Variants in ARHGAP26 observed in about 807,000 individuals in gnomAD.
The protein encoded by ARHGAP26 is rho GTPase-activating protein 26.
A neutral mutation model predicts 104.8 loss-of-function variants in ARHGAP26; 38 were observed. The observed-to-expected ratio is 0.36, with a 90% CI of 0.28 to 0.48. The LOEUF (loss-of-function observed/expected upper bound fraction) is 0.48. Ranked by LOEUF, ARHGAP26 falls within the 20% of genes least tolerant of loss-of-function variation. ARHGAP26 has a pLI of 0.99. For synonymous variants in ARHGAP26, 341 were observed against 340.0 expected, an observed-to-expected ratio of 1.00 and a Z score of -0.03; for missense variants, 704 against 947.9, an observed-to-expected ratio of 0.74 and a Z score of 3.38.
intron 19 of ARHGAP26, among the ~76,000 whole-genome samples, chr5:143,139,999 A>G (rs985966278): frequency 3.3e-5 from 5 of 152,250 alleles, no homozygotes; most frequent in East Asian, 3.8e-4. Context: ...TTTAGCATTT[A>G]TACCAAGATG....
chr5:142,869,299 C>T (rs148293646), intron 1 of ARHGAP26, among the ~76,000 whole-genome samples: 3,269 of 151,554 alleles, frequency 0.022, 63 homozygotes, highest in African/African-American at 0.05. Context: ...CTCAGCCTCC[C>T]GGGTTCACGC....
chr5:142,788,924 T>G (rs1335668953), intron 1 of ARHGAP26, among the ~76,000 whole-genome samples: 1 of 152,232 alleles, frequency 6.6e-6, no homozygotes, highest in Admixed American at 6.5e-5. Flanking sequence ...ACAACAGTCT[T>G]AATGAGGTAT....
At chr5:143,061,239 C>A (rs1400731007) in intron 17 of ARHGAP26, among the ~76,000 whole-genome samples, 1 of 152,122 alleles carries the variant, frequency 6.6e-6, no homozygotes, top group Non-Finnish European at 1.5e-5. Context: ...TCAGGTGGAG[C>A]AGGACACGAG....
At chr5:143,014,755 A>G (rs1347610165) in intron 12 of ARHGAP26, among the ~76,000 whole-genome samples, 1 of 152,228 alleles carries the variant, frequency 6.6e-6, no homozygotes, top group Non-Finnish European at 1.5e-5. Context: ...CAATGGGATT[A>G]AAATGAACCT....
intron 17 of ARHGAP26, among the ~76,000 whole-genome samples, chr5:143,075,791 C>T (rs924944647): frequency 2.7e-5 from 4 of 149,324 alleles, no homozygotes; most frequent in East Asian, 2.0e-4. Flanking sequence ...CTCTGCCTCC[C>T]GGGCTCCAGA....
At chr5:143,014,240 G>A in intron 12 of ARHGAP26, 124 bp downstream of exon 12, 1 of 1,054,058 alleles carries the variant, frequency 9.5e-7, no homozygotes, top group Non-Finnish European at 1.5e-6. Context: ...CAGTTCCCGA[G>A]TGCAGTGGGA....
At chr5:142,926,046 A>G (rs1018821291) in intron 10 of ARHGAP26, among the ~76,000 whole-genome samples, 2 of 152,180 alleles carry the variant, frequency 1.3e-5, no homozygotes, top group African/African-American at 4.8e-5. Context: ...TTAGCGTAGG[A>G]AAGCTGTCGA....
At chr5:143,139,690 G>A (rs1456479610) in intron 19 of ARHGAP26, among the ~76,000 whole-genome samples, 1 of 152,164 alleles carries the variant, frequency 6.6e-6, no homozygotes, top group Non-Finnish European at 1.5e-5. Context: ...AGCCACTCAC[G>A]CTCATTTGCG....
At chr5:142,918,803 G>T (rs1762839636) in intron 10 of ARHGAP26, among the ~76,000 whole-genome samples, 1 of 152,140 alleles carries the variant, frequency 6.6e-6, no homozygotes, top group Non-Finnish European at 1.5e-5. Flanking sequence ...GCTAAAGTTA[G>T]TAGAAATTCT....
At chr5:142,880,410 C>T (rs2436373) in intron 4 of ARHGAP26, among the ~76,000 whole-genome samples, 14,004 of 151,842 alleles carry the variant, frequency 0.092, 1,804 homozygotes, top group African/African-American at 0.29. Context: ...CCCAGCTACT[C>T]GGGAGGCTGA....
rs535401653 is a variant in ARHGAP26 at position 143,104,426 on chromosome 5, G to A, written c.1539-16562G>A. Among the ~76,000 whole-genome samples, 3 of 152,192 alleles carry A rather than the reference G, an allele frequency of 2.0e-5. No homozygotes were observed. In the South Asian group the frequency reaches 6.2e-4, roughly 32 times the overall value. On this transcript the variant is annotated intron_variant, in intron 17 of 22. Coordinates refer to ENST00000645722, the MANE Select transcript of ARHGAP26 (RefSeq NM_001135608.3). ...CCTGGGAGACAGAGGCAGGAGAATC[G>A]CTTGAGCCTGGGAGGCTGAGGTTGC...
rs575468163 is a variant in ARHGAP26 at position 143,156,576 on chromosome 5, G to C, written c.1988+9195G>C. The stretch of plus-strand genomic sequence containing the variant: ...AATCTGTGTTTTACCAAACCCTGCA[G>C]ATGATTCTGATACATGCTCAAGTCT... On this transcript the variant is annotated intron_variant, in intron 20 of 22. Transcript: ENST00000645722. Among the ~76,000 whole-genome samples, 5 of 152,332 alleles carry C rather than the reference G, an allele frequency of 3.3e-5. No homozygotes were observed. The East Asian group carries it at 9.6e-4, about 29-fold the overall frequency.
chr5:143,206,930 A>G (rs34447196), intron 20 of ARHGAP26, among the ~76,000 whole-genome samples: 9,178 of 152,296 alleles, frequency 0.06, 877 homozygotes, highest in African/African-American at 0.2. Flanking sequence ...TCGCCAATGT[A>G]CATGATCGAA....
chr5:142,809,936 T>A (rs389003), intron 1 of ARHGAP26, among the ~76,000 whole-genome samples: 5 of 152,102 alleles, frequency 3.3e-5, no homozygotes, highest in South Asian at 4.1e-4. Flanking sequence ...GGTGCAGGTT[T>A]TAGTATCATT....
intron 20 of ARHGAP26, chr5:143,194,121 G>A (rs1806417711): frequency 6.6e-6 from 1 of 152,160 alleles, no homozygotes; most frequent in South Asian, 2.1e-4. Flanking sequence ...CCAGAAGAAG[G>A]GGAATGCAAA....
Position 142,871,250 on chromosome 5 carries a change from C to T in ARHGAP26, c.155-2150C>T, listed in dbSNP as rs1178808942. ...TGGTCATAAGCTAACAGGCCCTGCC[C>T]TGGTTCAATGGGTGCCCCTGTGCAG... On this transcript the variant is annotated intron_variant, in intron 1 of 22. Coordinates refer to ENST00000645722, the MANE Select transcript of ARHGAP26 (RefSeq NM_001135608.3). This position sits in a 1 kb window ranked among gnomAD's most constrained non-coding sequence, Gnocchi z 4.1. 6.6e-6 allele frequency among the ~76,000 whole-genome samples: 1 copy of T among 152,204 alleles called. No homozygotes were observed. The highest frequency in any genetic ancestry group is 2.4e-5 in the African/African-American group (1 of 41,450).
At chr5:142,850,062 G>C (rs1751208977) in intron 1 of ARHGAP26, among the ~76,000 whole-genome samples, 1 of 152,082 alleles carries the variant, frequency 6.6e-6, no homozygotes, top group African/African-American at 2.4e-5. Flanking sequence ...TGGAGACAGA[G>C]ACTCTGCTCT....
At chr5:142,936,161 G>A (rs962621464) in intron 11 of ARHGAP26, among the ~76,000 whole-genome samples, 3 of 145,462 alleles carry the variant, frequency 2.1e-5, no homozygotes, top group African/African-American at 8.0e-5. Context: ...TCTATAATTA[G>A]TAGGTGAGTT....
At chr5:143,221,424 C>CAAAAAAAAAAAAAAA (rs56114785) in intron 22 of ARHGAP26, among the ~76,000 whole-genome samples, 1 of 83,632 alleles carries the variant, frequency 1.2e-5, no homozygotes, top group Admixed American at 1.2e-4. Flanking sequence ...TGACAGCAAC[C>CAAAAAAAAAAAAAAA]AAAAAAAAAA....
Sources: gnomAD v4.1 joint callset for allele counts (sites outside exome capture counted in the v4.1 genomes callset) on GRCh38, gnomAD v4.1.1 for gene constraint, Gnocchi (gnomAD v3.1) non-coding constraint, MANE v1.5 for transcripts, NCBI Gene and HGNC (gene_info 2026-07-23, HGNC 2026-07-21) for gene names.